Variants in LRRTM4 observed in about 807,000 individuals in gnomAD.
The protein encoded by LRRTM4 is leucine rich repeat transmembrane neuronal 4.
A neutral mutation model predicts 47.6 loss-of-function variants in LRRTM4; 25 were observed. The ratio of observed to expected loss-of-function variants is 0.53; its 90% CI spans 0.38 to 0.73. The LOEUF (loss-of-function observed/expected upper bound fraction) is 0.73. Ranked by LOEUF, LRRTM4 falls within the 30% of genes least tolerant of loss-of-function variation. LRRTM4 has a pLI of 0.00. For synonymous variants in LRRTM4, 311 were observed against 269.5 expected (o/e 1.15, Z -1.51); for missense variants, 638 against 713.4 (o/e 0.89, Z 1.20).
At chr2:76,932,063 A>G (rs917988473) in intron 3 of LRRTM4, among the ~76,000 whole-genome samples, 1 of 152,110 alleles carries the variant, frequency 6.6e-6, no homozygotes, top group Non-Finnish European at 1.5e-5. Flanking sequence ...TGTTTCTCCC[A>G]TCTTCTGCCC....
intron 3 of LRRTM4, among the ~76,000 whole-genome samples, chr2:77,272,424 AG>A (rs1228839088): frequency 3.9e-5 from 6 of 152,242 alleles, no homozygotes; most frequent in Admixed American, 3.9e-4. Context: ...GAGAAGGGAA[AG>A]CAGCATCAAT....
At chr2:77,366,492 C>T (rs1672468349) in intron 3 of LRRTM4, among the ~76,000 whole-genome samples, 1 of 151,856 alleles carries the variant, frequency 6.6e-6, no homozygotes, top group African/African-American at 2.4e-5. Flanking sequence ...TTGCTTGTCT[C>T]TGTAAGCAAA....
intron 3 of LRRTM4, among the ~76,000 whole-genome samples, chr2:77,407,072 C>A (rs558608166): frequency 6.6e-6 from 1 of 152,010 alleles, no homozygotes; most frequent in African/African-American, 2.4e-5. Context: ...TTCCTTACGA[C>A]GAGATTATCG....
intron 3 of LRRTM4, among the ~76,000 whole-genome samples, chr2:77,064,800 G>T (rs1326711109): frequency 1.3e-5 from 2 of 151,984 alleles, no homozygotes; most frequent in Non-Finnish European, 2.9e-5. Context: ...GGGACTTTTG[G>T]ATATGCTATC....
intron 3 of LRRTM4, among the ~76,000 whole-genome samples, chr2:77,069,623 T>C (rs1052727452): frequency 6.6e-6 from 1 of 152,184 alleles, no homozygotes; most frequent in South Asian, 2.1e-4. Flanking sequence ...TGGTAGCTTG[T>C]GTATTTCAAG....
intron 3 of LRRTM4, among the ~76,000 whole-genome samples, chr2:77,215,501 G>A (rs989786711): frequency 2.0e-5 from 3 of 152,124 alleles, no homozygotes; most frequent in Non-Finnish European, 4.4e-5. Context: ...TTTAACAGGG[G>A]AGAATTATGA....
chr2:77,156,613 A>G (rs560660090), intron 3 of LRRTM4, among the ~76,000 whole-genome samples: 1 of 152,266 alleles, frequency 6.6e-6, no homozygotes, highest in African/African-American at 2.4e-5. Flanking sequence ...TTAGAAATAC[A>G]TGTGCAATAT....
intron 3 of LRRTM4, among the ~76,000 whole-genome samples, chr2:76,954,282 AT>A (rs1257165599): frequency 6.6e-6 from 1 of 151,950 alleles, no homozygotes; most frequent in Non-Finnish European, 1.5e-5. Context: ...CAAAATAACC[AT>A]CAAAAAGATG....
intron 3 of LRRTM4, among the ~76,000 whole-genome samples, chr2:77,224,037 G>A (rs1253304929): frequency 4.6e-5 from 7 of 151,448 alleles, no homozygotes; most frequent in East Asian, 3.9e-4. Context: ...ACAGAACAGA[G>A]CCCTCAGAAA....
In LRRTM4 at chr2:76,998,316, T is replaced by A. The variant is rs920551634; in HGVS notation, c.1552-249400A>T. On this transcript the variant is annotated intron_variant, in intron 3 of 3. Transcript: ENST00000409884. ...TCCTACATAAGTTTAGAGGGTTACA[T>A]CACCAGTCTAACTAGAGAGCTGAGG... Among the ~76,000 whole-genome samples, 6 of 151,802 alleles carry A rather than the reference T, an allele frequency of 4.0e-5. No individual in the cohort carries two copies. The South Asian group carries it at 1.2e-3, about 31-fold the overall frequency.
At chr2:76,856,577 A>G (rs1672157037) in intron 3 of LRRTM4, among the ~76,000 whole-genome samples, 1 of 152,180 alleles carries the variant, frequency 6.6e-6, no homozygotes, top group Admixed American at 6.5e-5. Flanking sequence ...TTTGTCTACA[A>G]GAGCCACTTT....
intron 3 of LRRTM4, among the ~76,000 whole-genome samples, chr2:76,876,156 A>G (rs1417289914): frequency 6.6e-6 from 1 of 152,194 alleles, no homozygotes; most frequent in African/African-American, 2.4e-5. Context: ...TTTTAGAGAA[A>G]AAAAAGAAGT....
intron 3 of LRRTM4, among the ~76,000 whole-genome samples, chr2:77,367,581 G>T (rs1672509723): frequency 6.6e-6 from 1 of 151,774 alleles, no homozygotes; most frequent in East Asian, 1.9e-4. Context: ...CTTGGAAACT[G>T]TGTTTCAGTC....
chr2:77,153,855 C>A (rs1055131081), intron 3 of LRRTM4, among the ~76,000 whole-genome samples: 1 of 151,906 alleles, frequency 6.6e-6, no homozygotes, highest in Non-Finnish European at 1.5e-5. Flanking sequence ...AACTTTTGTC[C>A]CTAGTGAAAA....
At chr2:76,800,028 C>T (rs1675575532) in intron 3 of LRRTM4, among the ~76,000 whole-genome samples, 1 of 151,808 alleles carries the variant, frequency 6.6e-6, no homozygotes, top group Non-Finnish European at 1.5e-5. Flanking sequence ...TCATACTGCC[C>T]AAGGTAATTT....
At chr2:76,766,298 G>A (rs556367070) in intron 3 of LRRTM4, among the ~76,000 whole-genome samples, 29 of 152,290 alleles carry the variant, frequency 1.9e-4, no homozygotes, top group African/African-American at 6.7e-4. Flanking sequence ...CCAAACTGGA[G>A]CCATTTATAT....
At chr2:77,112,080 A>G (rs1007298405) in intron 3 of LRRTM4, among the ~76,000 whole-genome samples, 1 of 152,180 alleles carries the variant, frequency 6.6e-6, no homozygotes, top group Non-Finnish European at 1.5e-5. Context: ...TGTGTGAGGC[A>G]GGAGGATGGA....
intron 3 of LRRTM4, among the ~76,000 whole-genome samples, chr2:77,186,143 G>C (rs1673499374): frequency 6.6e-6 from 1 of 152,018 alleles, no homozygotes; most frequent in African/African-American, 2.4e-5. Context: ...TATCAAACTA[G>C]TTCTCAGGAA....
intron 3 of LRRTM4, among the ~76,000 whole-genome samples, chr2:76,779,382 A>T (rs1674218897): frequency 6.6e-6 from 1 of 150,816 alleles, no homozygotes; most frequent in African/African-American, 2.4e-5. Flanking sequence ...CCCATTATTA[A>T]TGTATGGGAG....
Sources: gnomAD v4.1 joint callset for allele counts (sites outside exome capture counted in the v4.1 genomes callset) on GRCh38, gnomAD v4.1.1 for gene constraint, MANE v1.5 for transcripts, NCBI Gene and HGNC (gene_info 2026-07-23, HGNC 2026-07-21) for gene names.